The following PLXNA4 variants were observed in gnomAD, a reference collection of about 807,000 sequenced individuals.
PLXNA4 encodes the protein plexin-A4.
Under a neutral mutation model 191.8 loss-of-function variants are expected in PLXNA4, and 44 were observed. The observed-to-expected ratio is 0.23, with a 90% CI of 0.18 to 0.29. PLXNA4 has a LOEUF of 0.29. PLXNA4 is among the 10% of genes least tolerant of loss of function. The pLI is 1.00. For missense variants in PLXNA4, 1,800 were observed against 2,488.8 expected, an observed-to-expected ratio of 0.72 and a Z score of 5.89; for synonymous variants, 1,082 against 1,009.5, an observed-to-expected ratio of 1.07 and a Z score of -1.36.
intron 21 of PLXNA4, among the ~76,000 whole-genome samples, chr7:132,169,029 G>T (rs1796205782): frequency 6.6e-6 from 1 of 152,204 alleles, no homozygotes. Context: ...TAGGGGTGCT[G>T]TTGATACACC....
chr7:132,387,116 G>A (rs544339435), intron 3 of PLXNA4, among the ~76,000 whole-genome samples: 9 of 152,288 alleles, frequency 5.9e-5, no homozygotes, highest in African/African-American at 1.7e-4. Context: ...CTAACAACTC[G>A]TTCACAGAGT....
chr7:132,304,974 C>T (rs1424945830), intron 3 of PLXNA4, among the ~76,000 whole-genome samples: 1 of 152,226 alleles, frequency 6.6e-6, no homozygotes, highest in Admixed American at 6.5e-5. Context: ...AATCCAGGCT[C>T]ATTTGATGCA....
intron 1 of PLXNA4, among the ~76,000 whole-genome samples, chr7:132,571,927 C>T (rs557069334): frequency 1.3e-5 from 2 of 152,048 alleles, no homozygotes; most frequent in Non-Finnish European, 2.9e-5. Context: ...CTAGAATGAT[C>T]CATGCAATTT....
rs1470275519 is a variant in PLXNA4, at chr7:132,563,217, CCTT to C, written c.-87+13202_-87+13204del. On this transcript the variant is annotated intron_variant, in intron 1 of 31. Coordinates refer to ENST00000321063, the MANE Select transcript of PLXNA4 (RefSeq NM_020911.2). ...TCCTCCTCTTCCTCCTCCTCCTCCT[CCTT>C]CTCCTCCTCTTTCTCCTCCTCCTCC... Among the ~76,000 whole-genome samples, 11 of 107,320 alleles carry C rather than the reference CCTT, an allele frequency of 1.0e-4. No individual in the cohort carries two copies. The East Asian group carries it at 3.0e-3, about 30-fold the overall frequency. The allele number at this position is 107,320 out of a possible 152,430, so 70.4% of individuals were successfully genotyped here.
chr7:132,562,757 C>G (rs1338761193), intron 1 of PLXNA4, among the ~76,000 whole-genome samples: 1 of 130,234 alleles, frequency 7.7e-6, no homozygotes, highest in Non-Finnish European at 1.6e-5. Flanking sequence ...CCTTCTCCTC[C>G]TCCTCCTTCT....
At chr7:132,156,678 G>A (rs555024996) in intron 25 of PLXNA4, among the ~76,000 whole-genome samples, 2 of 152,318 alleles carry the variant, frequency 1.3e-5, no homozygotes, top group East Asian at 1.9e-4. Flanking sequence ...TGTGCTATGC[G>A]TCCCTTTGGC....
At chr7:132,597,463 T>C (rs1195878046) in intron 2 of PLXNA4, among the ~76,000 whole-genome samples, 7 of 152,206 alleles carry the variant, frequency 4.6e-5, no homozygotes. Context: ...CTAGTGGCCA[T>C]ATTTAATCAT....
At chr7:132,456,765 G>A (rs114853734) in intron 3 of PLXNA4, among the ~76,000 whole-genome samples, 2,000 of 152,230 alleles carry the variant, frequency 0.013, 58 homozygotes, top group African/African-American at 0.046. Flanking sequence ...TGAGGGCAGG[G>A]CTCCCTCTCC....
rs184826832 is a variant in PLXNA4 at position 132,246,477 on chromosome 7, C to T, written c.1504-5311G>A. ...TCTCACCCATTCCAAAAGGCCTAGA[C>T]GAGGAGCTCTCAATTCAAATAACTC... On this transcript the variant is annotated intron_variant, in intron 4 of 31. Transcript: ENST00000321063. Among the ~76,000 whole-genome samples the T allele has an allele frequency of 1.7e-3, 260 of 152,258 alleles. 1 individual carries two copies. Among genetic ancestry groups the T allele is most frequent in the African/African-American group, 5.9e-3 (244 of 41,536 alleles).
At chr7:132,409,229 C>A (rs1170903152) in intron 3 of PLXNA4, among the ~76,000 whole-genome samples, 1 of 152,166 alleles carries the variant, frequency 6.6e-6, no homozygotes, top group Non-Finnish European at 1.5e-5. Context: ...GGGGGCTCAG[C>A]TCTGTGCCTC....
chr7:132,157,545 T>C (rs112498007), intron 25 of PLXNA4, among the ~76,000 whole-genome samples: 1,555 of 152,332 alleles, frequency 0.01, 19 homozygotes, highest in African/African-American at 0.035. Flanking sequence ...CACACATCTC[T>C]TCATGCAGCT....
chr7:132,575,461 A>G (rs1802183815), intron 1 of PLXNA4, among the ~76,000 whole-genome samples: 1 of 152,062 alleles, frequency 6.6e-6, no homozygotes, highest in East Asian at 1.9e-4. Context: ...GGAGGACTAT[A>G]TCCCTCGTGC....
At chr7:132,468,122 A>G (rs125094) in intron 3 of PLXNA4, among the ~76,000 whole-genome samples, 117,048 of 151,988 alleles carry the variant, frequency 0.77, 47,946 homozygotes, top group Non-Finnish European at 0.9. Flanking sequence ...AGAAAGTTTT[A>G]CAAAAAAACC....
intron 2 of PLXNA4, among the ~76,000 whole-genome samples, chr7:132,592,012 G>A (rs551588888): frequency 6.3e-4 from 96 of 152,242 alleles, no homozygotes; most frequent in African/African-American, 2.1e-3. Context: ...TTCTGTGAAG[G>A]GGTGAACAAG....
At chr7:132,555,053 A>AAAACAAAAAAAAAAC (rs1360805251) in intron 1 of PLXNA4, among the ~76,000 whole-genome samples, 29 of 151,276 alleles carry the variant, frequency 1.9e-4, no homozygotes, top group Non-Finnish European at 3.4e-4. Flanking sequence ...AGGAAAAAAA[A>AAAACAAAAAAAAAAC]AAACAAAAAA....
At chr7:132,580,967 C>T (rs144336942), upstream of PLXNA4, among the ~76,000 whole-genome samples, 2 of 152,292 alleles carry the variant, frequency 1.3e-5, no homozygotes, top group African/African-American at 4.8e-5. Flanking sequence ...AGGAGCCTTC[C>T]GCAGTGACAC....
At chr7:132,534,899 T>C (rs1328259943) in intron 1 of PLXNA4, among the ~76,000 whole-genome samples, 1 of 152,220 alleles carries the variant, frequency 6.6e-6, no homozygotes, top group Non-Finnish European at 1.5e-5. Context: ...TTTAGCAAGA[T>C]ATGACAGTAT....
chr7:132,326,489 TG>T (rs1802362479), intron 3 of PLXNA4, among the ~76,000 whole-genome samples: 1 of 152,228 alleles, frequency 6.6e-6, no homozygotes, highest in African/African-American at 2.4e-5. Flanking sequence ...GCCCCCTCTC[TG>T]TCCTACTCTT....
intron 20 of PLXNA4, among the ~76,000 whole-genome samples, chr7:132,176,631 T>C (rs572133191): frequency 6.6e-6 from 1 of 152,096 alleles, no homozygotes; most frequent in Non-Finnish European, 1.5e-5. Context: ...TGTGTGTGTA[T>C]GTCAGTGAGT....
Sources: allele counts gnomAD v4.1 joint callset (sites outside exome capture counted in the v4.1 genomes callset), GRCh38; gene constraint gnomAD v4.1.1; transcripts MANE v1.5; gene names NCBI Gene and HGNC (gene_info 2026-07-23, HGNC 2026-07-21).